Variants in HOXC4 observed in about 807,000 individuals in gnomAD.
HOXC4 encodes homeobox C4, also known as homeobox protein Hox-C4.
A neutral mutation model predicts 25.5 loss-of-function variants in HOXC4; 15 were observed. The ratio of observed to expected loss-of-function variants is 0.59; its 90% confidence interval spans 0.39 to 0.91. HOXC4 has a LOEUF of 0.91. Ranked by LOEUF, HOXC4 falls within the 40% of genes least tolerant of loss-of-function variation. The pLI is 0.00. For synonymous variants in HOXC4, 165 were observed against 148.0 expected (o/e 1.11, Z -0.83); for missense variants, 342 against 352.4 (o/e 0.97, Z 0.24).
At chr12:54,019,810 C>T (rs1940348073) in intron 1 of HOXC4, 1 of 152,108 alleles carries the variant, frequency 6.6e-6, no homozygotes, top group Non-Finnish European at 1.5e-5. Context: ...CCTGAGGTGT[C>T]TTTATATAAT....
upstream of HOXC4, chr12:54,053,820 T>G (rs1937902778): frequency 1.2e-6 from 1 of 839,350 alleles, no homozygotes; most frequent in Non-Finnish European, 1.9e-6. Flanking sequence ...GCCGGAGGAG[T>G]CACATGGTGA....
rs1446066474 is a variant in HOXC4 at position 54,055,256 on chromosome 12, A to G, written c.*51A>G. ...CCCCATGCCCCCACCCTCCCCTCAC[A>G]CACAAATTGACTCTTATTTATAGAA... On this transcript the variant is annotated 3_prime_UTR_variant, in exon 2 of 2. Coordinates refer to ENST00000430889, the MANE Select transcript of HOXC4 (RefSeq NM_153633.3). 1 of 586,842 alleles carries G rather than the reference A, an allele frequency of 1.7e-6. No individual in the cohort carries two copies. The highest frequency in any genetic ancestry group is 5.2e-5 in the Admixed American group (1 of 19,102). The allele number at this position is 586,842 out of a possible 1,614,324, so 36.4% of individuals were successfully genotyped here.
chr12:54,028,689 G>T (rs750347742), intron 1 of HOXC4: 2 of 1,613,810 alleles, frequency 1.2e-6, no homozygotes, highest in Non-Finnish European at 1.7e-6. Context: ...CCTTTTATTC[G>T]CCACAGGAGA....
Position 54,029,695 on chromosome 12 carries a change from C to A in HOXC4, c.-124+12281C>A, listed in dbSNP as rs778998070. ...CGGACCGGAGGCGCGGCCGCCAGAT[C>A]TACTCGCGGTACCAGACCCTGGAAC... On this transcript the variant is annotated intron_variant, in intron 1 of 3. Coordinates refer to the HOXC4 transcript ENST00000303406. 7.4e-6 allele frequency: 12 copies of A among 1,613,980 alleles called. No homozygotes were observed. In the Admixed American group the frequency reaches 2.0e-4, roughly 27 times the overall value.
At chr12:54,033,268 T>TC in intron 1 of HOXC4, 1 of 1,614,122 alleles carries the variant, frequency 6.2e-7, no homozygotes, top group Non-Finnish European at 8.5e-7. Context: ...AGCATCACTT[T>TC]CCCACCGCCT....
At position 54,055,158 on chromosome 12, in the gene HOXC4, G is replaced by C; in HGVS notation, c.748G>C (p.Ala250Pro). 6.2e-7 allele frequency: 1 copy of C among 1,611,790 alleles called. No individual in the cohort carries two copies. Among genetic ancestry groups the C allele is most frequent in the Non-Finnish European group, 8.5e-7 (1 of 1,178,940 alleles). The change falls in exon 2 of 2, where the codon GCC becomes CCC. Residue 250 changes from alanine (A) to proline (P), a missense_variant. Coordinates refer to ENST00000430889, the MANE Select transcript of HOXC4 (RefSeq NM_153633.3). ...PGTSEDHSQS[A>P]TPPEQQRAED... Reference sequence around the variant, plus strand: ...TACTTCTGAAGACCACTCCCAGAGCGCCACGCCGCCGGAGCAGCAACGGGC... The same window carrying C: ...TACTTCTGAAGACCACTCCCAGAGCCCCACGCCGCCGGAGCAGCAACGGGC...
chr12:54,022,369 A>T (rs1049307146), intron 1 of HOXC4: 12 of 152,200 alleles, frequency 7.9e-5, no homozygotes, highest in African/African-American at 2.7e-4. Context: ...TTTGCTAAAG[A>T]TCCTATATGT....
chr12:54,026,801 G>A (rs969543683), intron 1 of HOXC4, among the ~76,000 whole-genome samples: 9 of 152,298 alleles, frequency 5.9e-5, no homozygotes, highest in African/African-American at 2.2e-4. Flanking sequence ...CGTTACAGAA[G>A]ATGAATAAAC....
intron 1 of HOXC4, chr12:54,028,822 G>C: frequency 6.2e-7 from 1 of 1,614,056 alleles, no homozygotes; most frequent in Non-Finnish European, 8.5e-7. Flanking sequence ...GACCTCAATC[G>C]CTCAGGATTT....
At position 54,044,538 on chromosome 12, in the gene HOXC4, A is replaced by G. The variant is rs547236704; in HGVS notation, c.-123-8622A>G. On this transcript the variant is annotated intron_variant, in intron 1 of 3. Coordinates refer to the HOXC4 transcript ENST00000303406. ...CCTGTCACTCTTTCCCCAAGCCCCA[A>G]ACCCCCTTTGACAAGGTAGAACTTC... Among the ~76,000 whole-genome samples, 21 of 152,312 alleles carry G rather than the reference A, an allele frequency of 1.4e-4. No individual in the cohort carries two copies. The East Asian group carries it at 4.1e-3, about 29-fold the overall frequency.
intron 1 of HOXC4, among the ~76,000 whole-genome samples, chr12:54,032,046 C>T (rs1165280435): frequency 1.3e-5 from 2 of 152,212 alleles, no homozygotes; most frequent in Non-Finnish European, 1.5e-5. Flanking sequence ...TCTCCATGTC[C>T]TCAATTAACA....
At position 54,055,283 on chromosome 12, in the gene HOXC4, T is replaced by A; in HGVS notation, c.*78T>A. On this transcript the variant is annotated 3_prime_UTR_variant, in exon 2 of 2. Coordinates refer to ENST00000430889, the MANE Select transcript of HOXC4 (RefSeq NM_153633.3). ...ACAAATTGACTCTTATTTATAGAAT[T>A]TAATATATATATATATATATATATA... The A allele has an allele frequency of 3.1e-6, 1 of 322,682 alleles. No individual in the cohort carries two copies. The allele number at this position is 322,682 out of a possible 1,614,324, so 20.0% of individuals were successfully genotyped here. A position where few individuals can be genotyped will look rare whatever the true frequency, so the allele number is the denominator to read the frequency against.
At chr12:54,050,096 CAG>C (rs1229057694), upstream of HOXC4, among the ~76,000 whole-genome samples, 9 of 152,084 alleles carry the variant, frequency 5.9e-5, no homozygotes, top group Non-Finnish European at 1.2e-4. Context: ...TTGGAAAAAT[CAG>C]AGAGGGGTAC....
At chr12:54,035,779 ACATAGAGGGAGGGCTGAGCCCT>A (rs1291159235) in intron 1 of HOXC4, among the ~76,000 whole-genome samples, 2 of 152,212 alleles carry the variant, frequency 1.3e-5, no homozygotes, top group Admixed American at 6.5e-5. Context: ...GCCTTGCTGG[ACATAGAGGGAGGGCTGAGCCCT>A]CACTCTAGGG....
At chr12:54,025,532 G>C (rs994457821) in intron 1 of HOXC4, among the ~76,000 whole-genome samples, 4 of 46,996 alleles carry the variant, frequency 8.5e-5, no homozygotes, top group African/African-American at 1.4e-4. Context: ...GTAATTGGGG[G>C]GGGGGGAGGT....
At position 54,054,045 on chromosome 12, in the gene HOXC4, G is replaced by A; in HGVS notation, c.123G>A (p.Arg41=). 6.2e-7 allele frequency: 1 copy of A among 1,614,040 alleles called. No homozygotes were observed. The highest frequency in any genetic ancestry group is 8.5e-7 in the Non-Finnish European group (1 of 1,179,954). ...EHSPEYYGRT[R]ESGFQHHHQE... ...GTCCGGAATATTACGGCCGGACCAGGGAATCGGGATTCCAGCATCACCACC... is the reference window on the plus strand; with the variant it reads ...GTCCGGAATATTACGGCCGGACCAGAGAATCGGGATTCCAGCATCACCACC... The change falls in exon 1 of 2, where the codon AGG becomes AGA. Residue 41 remains arginine (R), a synonymous_variant. Transcript: ENST00000430889.
intron 1 of HOXC4, chr12:54,028,547 C>T (rs1478178670): frequency 6.2e-7 from 1 of 1,614,146 alleles, no homozygotes; most frequent in East Asian, 2.2e-5. Context: ...ACTAACCCTT[C>T]CTTATCCTGC....
At chr12:54,037,578 T>C (rs1395151078) in intron 1 of HOXC4, among the ~76,000 whole-genome samples, 2 of 152,118 alleles carry the variant, frequency 1.3e-5, no homozygotes, top group East Asian at 1.9e-4. Flanking sequence ...CAGGTCCTTA[T>C]GGAAATAAGT....
intron 1 of HOXC4, among the ~76,000 whole-genome samples, chr12:54,036,420 A>C (rs1256703051): frequency 6.6e-6 from 1 of 152,158 alleles, no homozygotes; most frequent in Non-Finnish European, 1.5e-5. Flanking sequence ...ATTTATGATT[A>C]TTAATGCTGA....
Sources: gnomAD v4.1 joint callset for allele counts (sites outside exome capture counted in the v4.1 genomes callset) on GRCh38, gnomAD v4.1.1 for gene constraint, MANE v1.5 for transcripts, NCBI Gene and HGNC (gene_info 2026-07-23, HGNC 2026-07-21) for gene names.